Variants in BTBD1 observed in about 807,000 individuals in gnomAD.
BTBD1 encodes the protein BTB/POZ domain-containing protein 1.
A neutral mutation model predicts 48.0 loss-of-function variants in BTBD1; 34 were observed. The ratio of observed to expected loss-of-function variants is 0.71; its 90% CI spans 0.54 to 0.94. The LOEUF is 0.94. Among genes scored for constraint, BTBD1 ranks in the 40% least tolerant of loss-of-function variants. BTBD1 has a pLI of 0.00. For missense variants in BTBD1, 543 were observed against 625.6 expected (o/e 0.87, Z 1.41); for synonymous variants, 261 against 242.1 (o/e 1.08, Z -0.72).
Position 83,042,000 on chromosome 15 carries a change from TTA to T in BTBD1, c.665-77_665-76del, listed in dbSNP as rs978237276. The T allele has an allele frequency of 1.5e-5, 19 of 1,250,634 alleles. No individual in the cohort carries two copies. The Admixed American group carries it at 3.0e-4, about 20-fold the overall frequency. The allele number at this position is 1,250,634 out of a possible 1,614,324, so 77.5% of individuals were successfully genotyped here. On this transcript the variant is annotated intron_variant, in intron 3 of 7. Coordinates refer to ENST00000261721, the MANE Select transcript of BTBD1 (RefSeq NM_025238.4). ...AACCAAGCAATACCAACAGACACACTTATATTAAGTTTTCAGATCTCAACAAA... is the reference window on the plus strand; with the variant it reads ...AACCAAGCAATACCAACAGACACACTTATTAAGTTTTCAGATCTCAACAAA...
chr15:83,045,494 G>A (rs2032859818), intron 3 of BTBD1, among the ~76,000 whole-genome samples: 1 of 151,676 alleles, frequency 6.6e-6, no homozygotes, highest in African/African-American at 2.4e-5. Flanking sequence ...GCAAAACTCT[G>A]CCTCAAAAAA....
chr15:83,017,090 A>C lies in BTBD1; in HGVS notation c.*977T>G, dbSNP rs2032183042. 1 of 152,664 alleles carries C rather than the reference A, an allele frequency of 6.6e-6. No homozygotes were observed. The highest frequency in any genetic ancestry group is 2.4e-5 in the African/African-American group (1 of 41,464). 9.5% of individuals were successfully genotyped at this position (152,664 alleles called of 1,614,324 possible). Reference sequence around the variant, plus strand: ...ACTGACTAATGGGGTCATGACCATGAAGCAAATTTTACTTCCTAAATAGAA... The same window carrying C: ...ACTGACTAATGGGGTCATGACCATGCAGCAAATTTTACTTCCTAAATAGAA... On this transcript the variant is annotated 3_prime_UTR_variant, in exon 8 of 8. Transcript: ENST00000261721.
At chr15:83,030,647 A>G (rs1303735967) in intron 4 of BTBD1, 1 of 192,508 alleles carries the variant, frequency 5.2e-6, no homozygotes, top group Non-Finnish European at 1.0e-5. Context: ...CTTAAATCTA[A>G]GAAACCATAA....
chr15:83,058,475 G>C (rs1453847630), intron 1 of BTBD1, among the ~76,000 whole-genome samples: 1 of 152,180 alleles, frequency 6.6e-6, no homozygotes. Context: ...CAGGCACGGT[G>C]GCTCATGCCT....
At chr15:83,023,433 G>A (rs2032339583) in intron 5 of BTBD1, among the ~76,000 whole-genome samples, 1 of 152,164 alleles carries the variant, frequency 6.6e-6, no homozygotes, top group Non-Finnish European at 1.5e-5. Flanking sequence ...GAACTGGAGA[G>A]CAGTGGTGCA....
At chr15:83,034,732 A>G (rs28509292) in intron 4 of BTBD1, among the ~76,000 whole-genome samples, 12,234 of 152,270 alleles carry the variant, frequency 0.08, 554 homozygotes, top group African/African-American at 0.11. Context: ...TACCTAAAAT[A>G]AAGAAGAAAA....
intron 5 of BTBD1, chr15:83,024,043 A>T (rs1359971350): frequency 6.6e-6 from 1 of 151,764 alleles, no homozygotes; most frequent in East Asian, 1.9e-4. Flanking sequence ...TAATTTTTAT[A>T]TTTTTTTGTA....
intron 1 of BTBD1, among the ~76,000 whole-genome samples, chr15:83,058,563 C>T (rs994080126): frequency 6.6e-6 from 1 of 151,482 alleles, no homozygotes; most frequent in Non-Finnish European, 1.5e-5. Context: ...GAGCGGAGAT[C>T]GCAACACTGC....
chr15:83,028,142 C>G (rs1281290170), intron 5 of BTBD1, among the ~76,000 whole-genome samples: 1 of 152,032 alleles, frequency 6.6e-6, no homozygotes, highest in Non-Finnish European at 1.5e-5. Context: ...AGCAAATAAT[C>G]AATCAGAATT....
intron 1 of BTBD1, among the ~76,000 whole-genome samples, chr15:83,060,866 T>C (rs769851898): frequency 2.0e-5 from 3 of 152,176 alleles, no homozygotes; most frequent in African/African-American, 7.2e-5. Flanking sequence ...ATAAGAATGA[T>C]CACAAGATAT....
intron 4 of BTBD1, among the ~76,000 whole-genome samples, chr15:83,037,391 A>G (rs765786978): frequency 4.6e-5 from 7 of 152,224 alleles, no homozygotes; most frequent in African/African-American, 7.2e-5. Context: ...CGAAAAATAA[A>G]AAGTAATACA....
chr15:83,044,089 T>G (rs561570164), intron 3 of BTBD1, among the ~76,000 whole-genome samples: 5 of 152,168 alleles, frequency 3.3e-5, no homozygotes, highest in African/African-American at 1.2e-4. Context: ...GTTAAGCACT[T>G]GAAAAGAATA....
intron 6 of BTBD1, among the ~76,000 whole-genome samples, chr15:83,019,681 C>T (rs1240253706): frequency 6.6e-6 from 1 of 150,772 alleles, no homozygotes; most frequent in Admixed American, 6.6e-5. Context: ...ATCTGCCTCC[C>T]AGGTCCCAGT....
rs898820288 is a variant in BTBD1, at chr15:83,052,861, C to T, written c.559-2683G>A. ...TTCACTGTGTTAGCCAGGATGGTCT[C>T]GATCTCCTGACCCCGTGATCTGCCC... On this transcript the variant is annotated intron_variant, in intron 2 of 7. Transcript: ENST00000261721. 8.7e-5 allele frequency among the ~76,000 whole-genome samples: 12 copies of T among 137,416 alleles called. 1 individual carries two copies. The highest frequency in any genetic ancestry group is 8.4e-5 in the African/African-American group (3 of 35,812). The allele number at this position is 137,416 out of a possible 152,430, so 90.2% of individuals were successfully genotyped here.
At chr15:83,026,372 G>A (rs1291985311) in intron 5 of BTBD1, among the ~76,000 whole-genome samples, 2 of 151,958 alleles carry the variant, frequency 1.3e-5, no homozygotes, top group Non-Finnish European at 2.9e-5. Flanking sequence ...TAGGGAAACT[G>A]GATTTCCTGA....
chr15:83,027,436 G>A (rs2032431263), intron 5 of BTBD1, among the ~76,000 whole-genome samples: 1 of 152,186 alleles, frequency 6.6e-6, no homozygotes, highest in Non-Finnish European at 1.5e-5. Context: ...GAAGTGTTAA[G>A]TGACTTGTCT....
At chr15:83,061,713 A>G (rs1024129977) in intron 1 of BTBD1, 2 of 152,296 alleles carry the variant, frequency 1.3e-5, no homozygotes, top group African/African-American at 4.8e-5. Flanking sequence ...CAGCCATCCC[A>G]GACTGTGAGT....
intron 4 of BTBD1, among the ~76,000 whole-genome samples, chr15:83,032,251 G>A (rs2032531265): frequency 6.6e-6 from 1 of 151,924 alleles, no homozygotes; most frequent in East Asian, 1.9e-4. Flanking sequence ...AACCTGCGAG[G>A]CAGAAGTTAC....
intron 5 of BTBD1, 30 bp downstream of exon 5, chr15:83,030,106 C>A (rs770749929): frequency 6.2e-7 from 1 of 1,606,272 alleles, no homozygotes; most frequent in South Asian, 1.1e-5. Context: ...TACCCCCACT[C>A]TACCCCCGCA....
Sources: allele counts gnomAD v4.1 joint callset (sites outside exome capture counted in the v4.1 genomes callset), GRCh38; gene constraint gnomAD v4.1.1; transcripts MANE v1.5; gene names NCBI Gene and HGNC (gene_info 2026-07-23, HGNC 2026-07-21).